The following SLC47A1 variants were observed in gnomAD, a reference collection of about 807,000 sequenced individuals.
SLC47A1 encodes multidrug and toxin extrusion protein 1.
A neutral mutation model predicts 65.8 loss-of-function variants in SLC47A1; 58 were observed. That is an observed-to-expected ratio of 0.88 (90% CI 0.71 to 1.10). SLC47A1 has a LOEUF of 1.10. Among genes scored for constraint, SLC47A1 ranks in the 50% least tolerant of loss-of-function variants. The pLI is 0.00. For synonymous variants in SLC47A1, 285 were observed against 295.0 expected (o/e 0.97, Z 0.35); for missense variants, 706 against 719.2 (o/e 0.98, Z 0.21).
chr17:19,570,669 T>A (rs1336725191), intron 14 of SLC47A1, among the ~76,000 whole-genome samples: 1 of 152,172 alleles, frequency 6.6e-6, no homozygotes, highest in African/African-American at 2.4e-5. Flanking sequence ...CAAGTCTGAT[T>A]TAGGGAAGGC....
intron 12 of SLC47A1, among the ~76,000 whole-genome samples, chr17:19,561,432 A>G (rs1227431242): frequency 6.6e-6 from 1 of 151,954 alleles, no homozygotes; most frequent in Non-Finnish European, 1.5e-5. Flanking sequence ...TCACAAGGTC[A>G]GGAGATCAAG....
intron 1 of SLC47A1, among the ~76,000 whole-genome samples, chr17:19,540,874 A>ACACACACACACACACACACACACC: frequency 1.3e-5 from 2 of 151,332 alleles, no homozygotes; most frequent in African/African-American, 4.9e-5. Context: ...ACACACACAC[A>ACACACACACACACACACACACACC]CACCCCTAGG....
rs1021373156 is a variant in SLC47A1, at chr17:19,533,886, T to C, written c.-54T>C. 5 of 1,392,298 alleles carry C rather than the reference T, an allele frequency of 3.6e-6. No homozygotes were observed. The highest frequency in any genetic ancestry group is 1.5e-5 in the South Asian group (1 of 67,606). 86.2% of individuals were successfully genotyped at this position (1,392,298 alleles called of 1,614,324 possible). On this transcript the variant is annotated 5_prime_UTR_variant, in exon 1 of 17. Coordinates refer to ENST00000270570, the MANE Select transcript of SLC47A1 (RefSeq NM_018242.3). The stretch of plus-strand genomic sequence containing the variant: ...GCCTGCGCGGTACTCACTGCCGGCC[T>C]CCGCGGTACCCACTGCCGGCCTCCG...
rs374955993 is a variant in SLC47A1 at position 19,555,789 on chromosome 17, C to T, written c.740-7C>T. 50 of 1,613,340 alleles carry T rather than the reference C, an allele frequency of 3.1e-5. No homozygotes were observed. The highest frequency in any genetic ancestry group is 3.3e-4 in the Middle Eastern group (2 of 6,084). On this transcript the variant is annotated splice_polypyrimidine_tract_variant and splice_region_variant and intron_variant, in intron 8 of 16. Coordinates refer to ENST00000270570, the MANE Select transcript of SLC47A1 (RefSeq NM_018242.3). ...ATCTCCTGGAAATGTGTGTGTCCCC[C>T]CCACAGGCTGGTCCCTCGAGTGCCT...
chr17:19,551,384 G>A (rs1327714583), intron 5 of SLC47A1, 40 bp from the exon 6 acceptor site: 1 of 1,559,458 alleles, frequency 6.4e-7, no homozygotes, highest in Admixed American at 1.7e-5. Flanking sequence ...TGTGTGGCAA[G>A]GCTGAAACAT....
In SLC47A1 at chr17:19,549,626, G is replaced by A. The variant is rs745924200; in HGVS notation, c.456-9G>A. 1.1e-5 allele frequency: 17 copies of A among 1,613,606 alleles called. No homozygotes were observed. The Middle Eastern group carries it at 8.2e-4, about 78-fold the overall frequency. ...CAGTTTTTGTTTTCTTTTTCTTTTC[G>A]TTATTTAGGCTTACCCAGACCTATG... On this transcript the variant is annotated splice_polypyrimidine_tract_variant and intron_variant, in intron 4 of 16. Transcript: ENST00000270570.
intron 12 of SLC47A1, 108 bp from the exon 13 acceptor site, chr17:19,566,682 C>T (rs1041654623): frequency 6.0e-6 from 6 of 1,001,422 alleles, no homozygotes; most frequent in African/African-American, 4.8e-5. Context: ...GCCTCAGCCT[C>T]CCAAAGTGCT....
Position 19,577,351 on chromosome 17 carries a change from T to C in SLC47A1, c.1511T>C (p.Ile504Thr), listed in dbSNP as rs2084448870. The C allele has an allele frequency of 6.2e-7, 1 of 1,613,982 alleles. No homozygotes were observed. Among genetic ancestry groups the C allele is most frequent in the Non-Finnish European group, 8.5e-7 (1 of 1,180,028 alleles). The change falls in exon 17 of 17, where the codon ATT (isoleucine) becomes ACT (threonine). Residue 504 changes from isoleucine to threonine, a missense_variant. Ile to Thr is a moderately conservative substitution (Grantham distance 89). Coordinates refer to ENST00000270570, the MANE Select transcript of SLC47A1 (RefSeq NM_018242.3). Reference protein sequence around the residue: ...HPGCPENLEGILTNDVGKTGE... With the variant: ...HPGCPENLEGTLTNDVGKTGE... Reference sequence around the variant, plus strand: ...GGGTGCCCTGAAAACCTTGAAGGAATTTTAACGAACGATGTTGGAAAGACA... The same window carrying C: ...GGGTGCCCTGAAAACCTTGAAGGAACTTTAACGAACGATGTTGGAAAGACA...
chr17:19,539,875 C>T (rs1265597263), intron 1 of SLC47A1, among the ~76,000 whole-genome samples: 2 of 152,072 alleles, frequency 1.3e-5, no homozygotes, highest in African/African-American at 4.8e-5. Context: ...AAGCGTTCAC[C>T]CAAAGGGCTT....
At chr17:19,559,883 C>G (rs2084293643) in intron 10 of SLC47A1, among the ~76,000 whole-genome samples, 1 of 152,014 alleles carries the variant, frequency 6.6e-6, no homozygotes, top group Non-Finnish European at 1.5e-5. Flanking sequence ...AAAACCTGGG[C>G]TCCTGGTGAG....
chr17:19,571,564 T>C lies in SLC47A1; in HGVS notation c.1396T>C (p.Cys466Arg), dbSNP rs1269197486. 1.9e-6 allele frequency: 3 copies of C among 1,613,314 alleles called. No homozygotes were observed. In the African/African-American group the frequency reaches 4.0e-5, roughly 22 times the overall value. Reference sequence around the variant, plus strand: ...TATTCAGCTAAATTGGAAAAAAGCCTGTCAGCAGGTAACTATGTTCATTCT... The same window carrying C: ...TATTCAGCTAAATTGGAAAAAAGCCCGTCAGCAGGTAACTATGTTCATTCT... Reference protein sequence around the residue: ...FIIQLNWKKACQQAQVHANLK... With the variant: ...FIIQLNWKKARQQAQVHANLK... Residue 466 changes from cysteine to arginine, a missense_variant, in exon 15 of 17, where the codon TGT becomes CGT. Cys to Arg is a radical substitution (Grantham distance 180). Coordinates refer to ENST00000270570, the MANE Select transcript of SLC47A1 (RefSeq NM_018242.3).
chr17:19,569,006 T>A (rs1254567952), intron 14 of SLC47A1, among the ~76,000 whole-genome samples: 1 of 151,996 alleles, frequency 6.6e-6, no homozygotes, highest in Non-Finnish European at 1.5e-5. Context: ...ATTACAGGCA[T>A]GAGGAACCTG....
At chr17:19,551,286 G>A (rs1462275135) in intron 5 of SLC47A1, 138 bp from the exon 6 acceptor site, 8 of 794,740 alleles carry the variant, frequency 1.0e-5, no homozygotes, top group Admixed American at 9.5e-5. Flanking sequence ...CCTGTCCTGA[G>A]ACGACAGCCT....
intron 1 of SLC47A1, among the ~76,000 whole-genome samples, chr17:19,542,057 G>A (rs1206471623): frequency 6.6e-6 from 1 of 152,076 alleles, no homozygotes; most frequent in African/African-American, 2.4e-5. Context: ...CCTGGGAGGC[G>A]GAGGTTGCAG....
At chr17:19,571,025 C>T (rs577454545) in intron 14 of SLC47A1, 2 of 151,812 alleles carry the variant, frequency 1.3e-5, no homozygotes, top group South Asian at 4.2e-4. Flanking sequence ...CTGGCAGGAA[C>T]TCTGAGGAAG....
intron 6 of SLC47A1, among the ~76,000 whole-genome samples, chr17:19,553,185 A>G (rs1916501413): frequency 6.6e-6 from 1 of 151,856 alleles, no homozygotes; most frequent in Non-Finnish European, 1.5e-5. Flanking sequence ...GCCCTCGGAG[A>G]GGGTGGAGGG....
At chr17:19,539,395 G>T (rs1454975599) in intron 1 of SLC47A1, among the ~76,000 whole-genome samples, 1 of 152,114 alleles carries the variant, frequency 6.6e-6, no homozygotes, top group East Asian at 1.9e-4. Context: ...CACTCTCAAA[G>T]TGTGGCCCTG....
rs947142756 is a variant in SLC47A1, at chr17:19,533,860, G to C, written c.-80G>C. 5.1e-6 allele frequency: 7 copies of C among 1,372,742 alleles called. No homozygotes were observed. In the East Asian group the frequency reaches 1.5e-4, roughly 29 times the overall value. 85.0% of individuals were successfully genotyped at this position (1,372,742 alleles called of 1,614,324 possible). A position where few individuals can be genotyped will look rare whatever the true frequency, so the allele number is the denominator to read the frequency against. On this transcript the variant is annotated 5_prime_UTR_variant, in exon 1 of 17. Coordinates refer to ENST00000270570, the MANE Select transcript of SLC47A1 (RefSeq NM_018242.3). ...GCTGCACTGCGCGGTACCCACTGCC[G>C]GCCTGCGCGGTACTCACTGCCGGCC...
chr17:19,537,738 A>T (rs1335461331), intron 1 of SLC47A1, among the ~76,000 whole-genome samples: 1 of 152,010 alleles, frequency 6.6e-6, no homozygotes, highest in East Asian at 1.9e-4. Context: ...CCTGCTCAGA[A>T]CCCTTTCCTT....
Sources: gnomAD v4.1 joint callset for allele counts (sites outside exome capture counted in the v4.1 genomes callset) on GRCh38, gnomAD v4.1.1 for gene constraint, MANE v1.5 for transcripts, NCBI Gene and HGNC (gene_info 2026-07-23, HGNC 2026-07-21) for gene names.